The following THSD4 variants were observed in gnomAD, a reference collection of about 807,000 sequenced individuals.
THSD4 encodes the protein thrombospondin type-1 domain-containing protein 4.
Under a neutral mutation model 119.0 loss-of-function variants are expected in THSD4, and 69 were observed. That is an observed-to-expected ratio of 0.58 (90% CI 0.48 to 0.71). The LOEUF (loss-of-function observed/expected upper bound fraction) is 0.71, where lower values mean the gene tolerates loss of function less well. Ranked by LOEUF, THSD4 falls within the 30% of genes least tolerant of loss-of-function variation. The pLI is 0.00. For synonymous variants in THSD4, 524 were observed against 540.4 expected, an observed-to-expected ratio of 0.97 and a Z score of 0.42; for missense variants, 1,393 against 1,391.1, an observed-to-expected ratio of 1.00 and a Z score of -0.02.
intron 6 of THSD4, among the ~76,000 whole-genome samples, chr15:71,292,043 G>T (rs1161312797): frequency 6.6e-6 from 1 of 152,222 alleles, no homozygotes; most frequent in Non-Finnish European, 1.5e-5. Flanking sequence ...TATCTAAAAT[G>T]TGTTGATTGC....
intron 8 of THSD4, among the ~76,000 whole-genome samples, chr15:71,677,722 C>T (rs1020022423): frequency 5.3e-5 from 8 of 152,208 alleles, no homozygotes; most frequent in Non-Finnish European, 7.3e-5. Flanking sequence ...CCTAGCTACC[C>T]TGGAAATGTG....
intron 7 of THSD4, among the ~76,000 whole-genome samples, chr15:71,511,337 G>A (rs1308472210): frequency 6.6e-6 from 1 of 152,132 alleles, no homozygotes; most frequent in African/African-American, 2.4e-5. Context: ...CCTGAAGAAG[G>A]AATAATAGAT....
At chr15:71,723,724 G>A (rs2052766041) in intron 8 of THSD4, among the ~76,000 whole-genome samples, 1 of 152,162 alleles carries the variant, frequency 6.6e-6, no homozygotes, top group African/African-American at 2.4e-5. Flanking sequence ...GGGAAGAGAG[G>A]GGGCTGGACT....
At chr15:71,671,880 T>G (rs146744861) in intron 8 of THSD4, among the ~76,000 whole-genome samples, 37 of 152,342 alleles carry the variant, frequency 2.4e-4, no homozygotes, top group African/African-American at 6.3e-4. Context: ...TTGTTTTGGT[T>G]ACTGTAGCCT....
At chr15:71,165,324 G>T in intron 3 of THSD4, 1 of 1,577,014 alleles carries the variant, frequency 6.3e-7, no homozygotes, top group South Asian at 1.1e-5. Context: ...TGAAGCATCT[G>T]GGTGCTTCTT....
At chr15:71,195,126 A>G (rs1596262067) in intron 3 of THSD4, among the ~76,000 whole-genome samples, 1 of 152,356 alleles carries the variant, frequency 6.6e-6, no homozygotes, top group African/African-American at 2.4e-5. Context: ...GTAGAAAAGC[A>G]ATAATGTTTG....
At chr15:71,591,355 C>A (rs1173380578) in intron 7 of THSD4, among the ~76,000 whole-genome samples, 1 of 152,214 alleles carries the variant, frequency 6.6e-6, no homozygotes, top group Non-Finnish European at 1.5e-5. Context: ...AAGTGTCATT[C>A]TTTACATCTC....
At position 71,547,303 on chromosome 15, in the gene THSD4, C is replaced by T. The variant is rs924063805; in HGVS notation, c.1153-113227C>T. On this transcript the variant is annotated intron_variant, in intron 7 of 17. Transcript: ENST00000261862. ...GAGAGCCGAGGGAACCAGCGCGGTGCCTAGCGGAACTCCAGGGCTGGAATC... is the reference window on the plus strand; with the variant it reads ...GAGAGCCGAGGGAACCAGCGCGGTGTCTAGCGGAACTCCAGGGCTGGAATC... 12 of 1,518,664 alleles carry T rather than the reference C, an allele frequency of 7.9e-6. No homozygotes were observed. In the Admixed American group the frequency reaches 2.5e-4, roughly 31 times the overall value. 94.1% of individuals were successfully genotyped at this position (1,518,664 alleles called of 1,614,324 possible). A position where few individuals can be genotyped will look rare whatever the true frequency, so the allele number is the denominator to read the frequency against.
intron 7 of THSD4, among the ~76,000 whole-genome samples, chr15:71,452,678 C>T (rs947939568): frequency 7.9e-5 from 12 of 152,076 alleles, no homozygotes; most frequent in African/African-American, 1.9e-4. Context: ...TGCAGTAGCG[C>T]GATCTCTGCT....
intron 6 of THSD4, among the ~76,000 whole-genome samples, chr15:71,397,286 A>G (rs2046466641): frequency 6.6e-6 from 1 of 152,010 alleles, no homozygotes; most frequent in Admixed American, 6.6e-5. Flanking sequence ...CTATAATTTC[A>G]CATTTATTTG....
chr15:71,600,432 G>C (rs2049984661), intron 7 of THSD4, among the ~76,000 whole-genome samples: 1 of 152,180 alleles, frequency 6.6e-6, no homozygotes, highest in Non-Finnish European at 1.5e-5. Context: ...TAAGATCCTT[G>C]AGGGAAGAAT....
chr15:71,529,126 A>G (rs2048572823), intron 7 of THSD4, among the ~76,000 whole-genome samples: 1 of 152,114 alleles, frequency 6.6e-6, no homozygotes, highest in Non-Finnish European at 1.5e-5. Flanking sequence ...GTCCAGTGCA[A>G]CCTTGGAAAC....
chr15:71,760,974 G>C (rs771757135), intron 15 of THSD4, among the ~76,000 whole-genome samples: 1 of 151,864 alleles, frequency 6.6e-6, no homozygotes, highest in Non-Finnish European at 1.5e-5. Context: ...GTATTTTTAA[G>C]GTATGTCTTT....
At position 71,273,674 on chromosome 15, in the gene THSD4, A is replaced by T. The variant is rs556220471; in HGVS notation, c.1015+16959A>T. Among the ~76,000 whole-genome samples the T allele has an allele frequency of 2.0e-5, 3 of 152,334 alleles. No homozygotes were observed. The East Asian group carries it at 5.8e-4, about 29-fold the overall frequency. On this transcript the variant is annotated intron_variant, in intron 6 of 17. Transcript: ENST00000261862. Reference sequence around the variant, plus strand: ...ATATTTATCAATCGAAATAAAATTTAAAAATACACAGTATCATTTTGAGAC... The same window carrying T: ...ATATTTATCAATCGAAATAAAATTTTAAAATACACAGTATCATTTTGAGAC...
At chr15:71,748,811 TCTC>T (rs1349557210) in intron 14 of THSD4, among the ~76,000 whole-genome samples, 1 of 152,144 alleles carries the variant, frequency 6.6e-6, no homozygotes, top group Admixed American at 6.5e-5. Flanking sequence ...TTGATTGAAT[TCTC>T]CTTAGCACTC....
chr15:71,744,830 C>T (rs1338838760), intron 11 of THSD4, among the ~76,000 whole-genome samples: 2 of 152,136 alleles, frequency 1.3e-5, no homozygotes, highest in African/African-American at 4.8e-5. Flanking sequence ...TTGTATCTGC[C>T]TTTGAGCATA....
At chr15:71,523,203 T>G (rs113858814) in intron 7 of THSD4, among the ~76,000 whole-genome samples, 1 of 152,328 alleles carries the variant, frequency 6.6e-6, no homozygotes, top group African/African-American at 2.4e-5. Context: ...GCTGGAAACC[T>G]GAAATCAAGA....
chr15:71,529,033 AGTTGGAT>A (rs2048570457), intron 7 of THSD4, among the ~76,000 whole-genome samples: 1 of 152,166 alleles, frequency 6.6e-6, no homozygotes, highest in South Asian at 2.1e-4. Context: ...GCCTTCTTGA[AGTTGGAT>A]GTAGCCAATG....
intron 7 of THSD4, among the ~76,000 whole-genome samples, chr15:71,477,143 T>A (rs2047665451): frequency 6.6e-6 from 1 of 152,206 alleles, no homozygotes; most frequent in Non-Finnish European, 1.5e-5. Context: ...AGCTACAACA[T>A]CAAGGCATTG....
Sources: gnomAD v4.1 joint callset for allele counts (sites outside exome capture counted in the v4.1 genomes callset) on GRCh38, gnomAD v4.1.1 for gene constraint, MANE v1.5 for transcripts, NCBI Gene and HGNC (gene_info 2026-07-23, HGNC 2026-07-21) for gene names.